The following SCPEP1 variants were observed in gnomAD, a reference collection of about 807,000 sequenced individuals.
The protein encoded by SCPEP1 is retinoid-inducible serine carboxypeptidase.
Under a neutral mutation model 63.8 loss-of-function variants are expected in SCPEP1, and 51 were observed. The observed-to-expected ratio is 0.80, with a 90% CI of 0.64 to 1.01. SCPEP1 has a LOEUF of 1.01. Among genes scored for constraint, SCPEP1 ranks in the 50% least tolerant of loss-of-function variants. The pLI is 0.00. For synonymous variants in SCPEP1, 204 were observed against 207.8 expected (o/e 0.98, Z 0.16); for missense variants, 499 against 554.9 (o/e 0.90, Z 1.01).
At chr17:57,001,017 C>T in intron 11 of SCPEP1, 25 bp downstream of exon 11, 1 of 1,613,706 alleles carries the variant, frequency 6.2e-7, no homozygotes, top group Non-Finnish European at 8.5e-7. Context: ...TGAGAGGCAC[C>T]TAGAGGCAGT....
At chr17:56,985,579 C>T in intron 3 of SCPEP1, 112 bp downstream of exon 3, 1 of 788,644 alleles carries the variant, frequency 1.3e-6, no homozygotes, top group South Asian at 1.6e-5. Flanking sequence ...TTTTCCTTTT[C>T]CTGTGACTAC....
intron 12 of SCPEP1, among the ~76,000 whole-genome samples, chr17:57,005,222 G>T (rs1385439052): frequency 6.6e-6 from 1 of 152,174 alleles, no homozygotes; most frequent in Non-Finnish European, 1.5e-5. Flanking sequence ...GAGCATTTTG[G>T]ATTTTCCAAT....
In SCPEP1 at chr17:56,988,537, G is replaced by C. The variant is rs78930999; in HGVS notation, c.546+247G>C. ...TACTAACATAGCAATAGACAAATAG[G>C]TTAATTGCAACAGGATACAGAATCC... On this transcript the variant is annotated intron_variant, in intron 5 of 12. Transcript: ENST00000262288. Among the ~76,000 whole-genome samples the C allele has an allele frequency of 5.9e-5, 9 of 152,104 alleles. 1 individual carries two copies. The East Asian group carries it at 1.7e-3, about 29-fold the overall frequency.
At position 56,978,145 on chromosome 17, in the gene SCPEP1, C is replaced by T. The variant is rs371260987; in HGVS notation, c.-15C>T. 211 of 1,288,132 alleles carry T rather than the reference C, an allele frequency of 1.6e-4. 3 individuals carry two copies. The South Asian group carries it at 2.3e-3, about 14-fold the overall frequency. The allele number at this position is 1,288,132 out of a possible 1,614,324, so 79.8% of individuals were successfully genotyped here. ...GGGTCCAGCCTGTTGCTGATGCTGC[C>T]GTGCGGTACTTGTCATGGAGCTGGC... On this transcript the variant is annotated 5_prime_UTR_variant, in exon 1 of 13. Transcript: ENST00000262288.
chr17:56,992,275 C>T (rs943860466), intron 6 of SCPEP1, among the ~76,000 whole-genome samples: 3 of 152,040 alleles, frequency 2.0e-5, no homozygotes, highest in African/African-American at 4.8e-5. Flanking sequence ...TATTTCTTGC[C>T]CTCATGTTTG....
At chr17:57,005,834 A>G (rs1026565266) in intron 12 of SCPEP1, among the ~76,000 whole-genome samples, 10 of 152,148 alleles carry the variant, frequency 6.6e-5, no homozygotes, top group Non-Finnish European at 1.0e-4. Flanking sequence ...AATGTTTAGA[A>G]TCTTCCTTCT....
At chr17:56,996,757 G>C (rs912668300) in intron 8 of SCPEP1, among the ~76,000 whole-genome samples, 1 of 152,014 alleles carries the variant, frequency 6.6e-6, no homozygotes, top group Non-Finnish European at 1.5e-5. Flanking sequence ...GGGCTCAAGT[G>C]ATCCACCCAC....
At chr17:57,004,450 G>T (rs1911827999) in intron 12 of SCPEP1, among the ~76,000 whole-genome samples, 1 of 152,190 alleles carries the variant, frequency 6.6e-6, no homozygotes. Flanking sequence ...ATGGCTCTCA[G>T]GATCTGAGTA....
In SCPEP1 at chr17:56,995,560, A is replaced by G. The variant is rs1911522050; in HGVS notation, c.711A>G (p.Val237=). ...LAEVSKVAEQ[V]LNAVNKGLYR... ...AGGTGTCTAAGGTTGCAGAGCAAGTACTGAATGCCGTAAATAAGGGGCTCT... is the reference window on the plus strand; with the variant it reads ...AGGTGTCTAAGGTTGCAGAGCAAGTGCTGAATGCCGTAAATAAGGGGCTCT... The change falls in exon 8 of 13, where the codon GTA becomes GTG. Residue 237 remains valine, a synonymous_variant. Transcript: ENST00000262288. The G allele has an allele frequency of 6.2e-7, 1 of 1,614,116 alleles. No individual in the cohort carries two copies. The highest frequency in any genetic ancestry group is 2.2e-5 in the East Asian group (1 of 44,880).
intron 3 of SCPEP1, among the ~76,000 whole-genome samples, chr17:56,986,693 C>CTGAGT (rs1468180394): frequency 1.8e-4 from 27 of 152,224 alleles, no homozygotes; most frequent in Admixed American, 8.5e-4. Flanking sequence ...CTACAGGCGC[C>CTGAGT]CGCCACTGCG....
At chr17:56,999,519 G>A (rs1404964460) in intron 10 of SCPEP1, among the ~76,000 whole-genome samples, 1 of 152,110 alleles carries the variant, frequency 6.6e-6, no homozygotes, top group Non-Finnish European at 1.5e-5. Flanking sequence ...GTGGTCCTGC[G>A]GCTGCTGCTG....
Position 56,981,305 on chromosome 17 carries a change from C to T in SCPEP1, c.225+75C>T, listed in dbSNP as rs1598112808. 1.9e-6 allele frequency: 3 copies of T among 1,551,680 alleles called. No individual in the cohort carries two copies. The East Asian group carries it at 6.8e-5, about 35-fold the overall frequency. On this transcript the variant is annotated intron_variant, in intron 2 of 12. Coordinates refer to ENST00000262288, the MANE Select transcript of SCPEP1 (RefSeq NM_021626.3). ...TGTGGCTCTTTGCTTGCTTTTTGGG[C>T]TGATGTCTCAGCAGTGAAGGGCGGA...
At chr17:56,998,636 T>A in intron 10 of SCPEP1, 138 bp downstream of exon 10, 1 of 658,232 alleles carries the variant, frequency 1.5e-6, no homozygotes, top group Non-Finnish European at 2.8e-6. Context: ...ACTATCCACG[T>A]TTTGTAGGTG....
chr17:56,994,709 G>A (rs1044870861), intron 6 of SCPEP1, among the ~76,000 whole-genome samples: 9 of 152,200 alleles, frequency 5.9e-5, no homozygotes, highest in African/African-American at 2.2e-4. Flanking sequence ...CATCGGCAAT[G>A]ACTCACTTGC....
rs758597282 is a variant in SCPEP1 at position 56,997,019 on chromosome 17, A to G, written c.844A>G (p.Met282Val). 6.2e-7 allele frequency: 1 copy of G among 1,609,624 alleles called. No homozygotes were observed. The highest frequency in any genetic ancestry group is 8.5e-7 in the Non-Finnish European group (1 of 1,177,428). Residue 282 changes from methionine (M) to valine (V), a missense_variant, in exon 9 of 13, where the codon ATG becomes GTG. Transcript: ENST00000262288. ...ILTKSTPTST[M>V]ESSLEFTQSH... ...AACTAAAAGCACTCCCACGTCTACA[A>G]TGGAGTCGAGTCTAGAATTCACACA...
At position 56,989,214 on chromosome 17, in the gene SCPEP1, A is replaced by G. The variant is rs188533013; in HGVS notation, c.546+924A>G. 9.1e-3 allele frequency among the ~76,000 whole-genome samples: 1,383 copies of G among 152,282 alleles called. 69 individuals carry two copies. The highest frequency in any genetic ancestry group is 0.076 in the Admixed American group (1,166 of 15,276). ...CAGGAAAAAAATGAAAACAAAAACC[A>G]AAACCAATGTCCTAGTAGAAAAATG... On this transcript the variant is annotated intron_variant, in intron 5 of 12. Coordinates refer to ENST00000262288, the MANE Select transcript of SCPEP1 (RefSeq NM_021626.3).
chr17:56,994,815 C>G, intron 6 of SCPEP1, 166 bp from the exon 7 acceptor site: 4 of 566,536 alleles, frequency 7.1e-6, no homozygotes, highest in Non-Finnish European at 1.3e-5. Context: ...ACTGAGACAT[C>G]AGCCCGCCTC....
At chr17:56,994,862 C>G in intron 6 of SCPEP1, 119 bp from the exon 7 acceptor site, 1 of 879,812 alleles carries the variant, frequency 1.1e-6, no homozygotes, top group Non-Finnish European at 1.9e-6. Flanking sequence ...GCCTTCCAAT[C>G]CAAAGCCACC....
At chr17:56,986,326 T>C (rs1427258643) in intron 3 of SCPEP1, among the ~76,000 whole-genome samples, 1 of 151,956 alleles carries the variant, frequency 6.6e-6, no homozygotes, top group Non-Finnish European at 1.5e-5. Flanking sequence ...TTCAAGCGAT[T>C]CTCCTGCCTC....
Sources: allele counts gnomAD v4.1 joint callset (sites outside exome capture counted in the v4.1 genomes callset), GRCh38; gene constraint gnomAD v4.1.1; transcripts MANE v1.5; gene names NCBI Gene and HGNC (gene_info 2026-07-23, HGNC 2026-07-21).